Variants in AGXT2 observed in about 807,000 individuals in gnomAD.
The protein encoded by AGXT2 is alanine--glyoxylate aminotransferase 2.
Under a neutral mutation model 62.5 loss-of-function variants are expected in AGXT2, and 61 were observed. That is an observed-to-expected ratio of 0.98 (90% CI 0.79 to 1.21). The LOEUF (loss-of-function observed/expected upper bound fraction) is 1.21. Among genes scored for constraint, AGXT2 ranks in the 50% most tolerant of loss-of-function variants. The pLI is 0.00. For synonymous variants in AGXT2, 243 were observed against 218.7 expected, an observed-to-expected ratio of 1.11 and a Z score of -0.98; for missense variants, 666 against 641.5, an observed-to-expected ratio of 1.04 and a Z score of -0.41.
intron 11 of AGXT2, among the ~76,000 whole-genome samples, chr5:35,011,517 C>A (rs573770849): frequency 6.6e-6 from 1 of 151,050 alleles, no homozygotes; most frequent in African/African-American, 2.4e-5. Context: ...ATGACACATT[C>A]CTACCCATAC....
intron 1 of AGXT2, among the ~76,000 whole-genome samples, chr5:35,045,960 G>T (rs898677366): frequency 6.6e-6 from 1 of 151,840 alleles, no homozygotes; most frequent in Non-Finnish European, 1.5e-5. Flanking sequence ...GTACAGACAG[G>T]GTTTCCCCGT....
intron 9 of AGXT2, among the ~76,000 whole-genome samples, chr5:35,023,674 C>G (rs987722385): frequency 2.6e-5 from 4 of 152,110 alleles, no homozygotes; most frequent in Non-Finnish European, 4.4e-5. Flanking sequence ...CTTTCTCCAG[C>G]CTGGACTTCG....
In AGXT2 at chr5:35,036,895, T is replaced by C. The variant is rs200564713; in HGVS notation, c.486+47A>G. 232 of 1,612,204 alleles carry C rather than the reference T, an allele frequency of 1.4e-4. No individual in the cohort carries two copies. The African/African-American group carries it at 2.6e-3, about 18-fold the overall frequency. On this transcript the variant is annotated intron_variant, in intron 4 of 13. Coordinates refer to ENST00000231420, the MANE Select transcript of AGXT2 (RefSeq NM_031900.4). ...TCTTTGAGCTGGGAGCATCATACCT[T>C]TTTTTTTCCCCCATAACATTCACCT...
intron 10 of AGXT2, among the ~76,000 whole-genome samples, chr5:35,013,608 T>C (rs1000701037): frequency 9.9e-5 from 15 of 151,752 alleles, no homozygotes; most frequent in Non-Finnish European, 2.1e-4. Flanking sequence ...ATGGTGAAAC[T>C]CCGTTTCTAC....
Position 35,010,105 on chromosome 5 carries a change from C to T in AGXT2, c.1233G>A (p.Gly411=). 1 of 1,614,166 alleles carries T rather than the reference C, an allele frequency of 6.2e-7. No homozygotes were observed. Among genetic ancestry groups the T allele is most frequent in the Non-Finnish European group, 8.5e-7 (1 of 1,180,028 alleles). ...TAGCAAACTTTAGTAACATGTAGGT[C>T]CCAACTTCTTGACTGTTTTCCTGTA... The part of the protein sequence containing the change: ...ENLQENSQEV[G]TYMLLKFAKL... Residue 411 remains glycine (G), a synonymous_variant, in exon 12 of 14, where the codon GGG becomes GGA. Coordinates refer to ENST00000231420, the MANE Select transcript of AGXT2 (RefSeq NM_031900.4).
At chr5:35,030,118 G>T (rs1323372263) in intron 7 of AGXT2, among the ~76,000 whole-genome samples, 3 of 152,214 alleles carry the variant, frequency 2.0e-5, no homozygotes, top group Admixed American at 6.5e-5. Context: ...CCCTTCCCAG[G>T]TCCTAAAGGC....
At chr5:35,047,681 T>A in intron 1 of AGXT2, 124 bp downstream of exon 1, 2 of 1,259,422 alleles carry the variant, frequency 1.6e-6, no homozygotes, top group Non-Finnish European at 2.2e-6. Flanking sequence ...GTCAAAAACA[T>A]GCCTCATCTC....
intron 9 of AGXT2, among the ~76,000 whole-genome samples, chr5:35,020,813 T>A (rs535374053): frequency 6.6e-6 from 1 of 152,230 alleles, no homozygotes; most frequent in Admixed American, 6.5e-5. Flanking sequence ...TGATTGTATA[T>A]CTAGAAAACC....
At chr5:35,030,336 G>A (rs896686354) in intron 7 of AGXT2, among the ~76,000 whole-genome samples, 5 of 151,710 alleles carry the variant, frequency 3.3e-5, no homozygotes, top group African/African-American at 1.2e-4. Flanking sequence ...GGTGAAACCC[G>A]GTCTCTACTA....
intron 3 of AGXT2, 69 bp downstream of exon 3, chr5:35,039,255 A>C (rs572929366): frequency 5.9e-6 from 9 of 1,520,102 alleles, no homozygotes; most frequent in Non-Finnish European, 8.2e-6. Flanking sequence ...AAGAGTTCAG[A>C]GTCACTAACA....
intron 9 of AGXT2, among the ~76,000 whole-genome samples, chr5:35,014,401 C>A (rs907259732): frequency 7.5e-6 from 1 of 132,940 alleles, no homozygotes; most frequent in Non-Finnish European, 1.5e-5. Context: ...TGCAGTGAGC[C>A]GAGATTGCAC....
chr5:35,018,090 C>T (rs918818028), intron 9 of AGXT2, among the ~76,000 whole-genome samples: 16 of 152,304 alleles, frequency 1.1e-4, no homozygotes, highest in African/African-American at 2.9e-4. Context: ...ACCAAATCTA[C>T]GTCTGATTGG....
chr5:34,999,853 C>T (rs1356147240), intron 13 of AGXT2, among the ~76,000 whole-genome samples: 1 of 152,108 alleles, frequency 6.6e-6, no homozygotes, highest in Non-Finnish European at 1.5e-5. Flanking sequence ...CCAAATTGTC[C>T]ACCTATGCCC....
intron 9 of AGXT2, among the ~76,000 whole-genome samples, chr5:35,017,898 A>C (rs1766909477): frequency 1.3e-5 from 2 of 152,240 alleles, no homozygotes. Flanking sequence ...GGAGCTGAAA[A>C]CCAAGGCTCG....
At chr5:35,020,455 A>G (rs1767025506) in intron 9 of AGXT2, among the ~76,000 whole-genome samples, 1 of 152,268 alleles carries the variant, frequency 6.6e-6, no homozygotes, top group African/African-American at 2.4e-5. Flanking sequence ...GCATATAAGC[A>G]GAACCAAAGA....
At chr5:35,003,726 AC>A (rs776077366) in intron 13 of AGXT2, 36 bp downstream of exon 13, 13 of 1,564,396 alleles carry the variant, frequency 8.3e-6, no homozygotes, top group Non-Finnish European at 1.1e-5. Context: ...AGAGACTCCT[AC>A]CTAGAGCGAT....
chr5:34,998,372 C>A lies in AGXT2; in HGVS notation c.*347G>T. The A allele has an allele frequency of 3.2e-6, 1 of 311,060 alleles. No homozygotes were observed. 19.3% of individuals were successfully genotyped at this position (311,060 alleles called of 1,614,324 possible). A position where few individuals can be genotyped will look rare whatever the true frequency, so the allele number is the denominator to read the frequency against. On this transcript the variant is annotated 3_prime_UTR_variant, in exon 14 of 14. Coordinates refer to ENST00000231420, the MANE Select transcript of AGXT2 (RefSeq NM_031900.4). ...GTGAAGAAAACTTTCCCTGAAGGCA[C>A]CTCCACCAAAAGATTTTTCTTCAAG...
At chr5:35,013,094 A>G (rs1327952836) in intron 10 of AGXT2, 49 bp from the exon 11 acceptor site, 5 of 1,485,396 alleles carry the variant, frequency 3.4e-6, no homozygotes, top group Non-Finnish European at 4.6e-6. Flanking sequence ...ATTCCTGTCC[A>G]CAATCTCTCA....
intron 9 of AGXT2, among the ~76,000 whole-genome samples, chr5:35,023,170 AAAAAAAG>A (rs1352746062): frequency 1.8e-4 from 13 of 70,578 alleles, no homozygotes; most frequent in South Asian, 1.3e-3. Flanking sequence ...AGATGTAAAA[AAAAAAAG>A]AAAAAAGAAA....
Sources: allele counts gnomAD v4.1 joint callset (sites outside exome capture counted in the v4.1 genomes callset), GRCh38; gene constraint gnomAD v4.1.1; transcripts MANE v1.5; gene names NCBI Gene and HGNC (gene_info 2026-07-23, HGNC 2026-07-21).